The following RAD51B variants were observed in gnomAD, a reference collection of about 807,000 sequenced individuals.
RAD51B encodes the protein DNA repair protein RAD51 homolog 2.
RAD51B carries 38 observed loss-of-function variants against 42.2 expected under a neutral mutation model. The observed-to-expected ratio is 0.90, with a 90% CI of 0.70 to 1.18. The LOEUF (loss-of-function observed/expected upper bound fraction) is 1.18. RAD51B is among the 50% of genes most tolerant of loss of function. The pLI, the probability that RAD51B is intolerant of heterozygous loss-of-function variation, is 0.00. For missense variants in RAD51B, 373 were observed against 400.7 expected (o/e 0.93, Z 0.59); for synonymous variants, 154 against 145.2 (o/e 1.06, Z -0.43).
At chr14:68,087,937 AT>A (rs1488687833) in intron 7 of RAD51B, among the ~76,000 whole-genome samples, 1 of 83,626 alleles carries the variant, frequency 1.2e-5, no homozygotes, top group East Asian at 2.4e-4. Context: ...TAATTATATA[AT>A]TTATTATTAT....
intron 10 of RAD51B, among the ~76,000 whole-genome samples, chr14:68,529,967 G>A (rs1398262094): frequency 6.6e-6 from 1 of 152,096 alleles, no homozygotes; most frequent in Non-Finnish European, 1.5e-5. Context: ...TACACAGATA[G>A]GATAAATTCT....
chr14:68,212,418 T>C (rs2079729940), intron 7 of RAD51B, among the ~76,000 whole-genome samples: 1 of 152,228 alleles, frequency 6.6e-6, no homozygotes. Context: ...CATAGAGCTG[T>C]TAGCAGCAGC....
intron 10 of RAD51B, among the ~76,000 whole-genome samples, chr14:68,472,709 G>A (rs1205427569): frequency 6.6e-6 from 1 of 152,218 alleles, no homozygotes; most frequent in Non-Finnish European, 1.5e-5. Flanking sequence ...AGGTTTGAAT[G>A]AGCGGGAGCT....
intron 7 of RAD51B, among the ~76,000 whole-genome samples, chr14:68,188,247 T>A (rs779372599): frequency 6.0e-5 from 9 of 149,704 alleles, no homozygotes; most frequent in Non-Finnish European, 1.3e-4. Flanking sequence ...AGTGATTTCT[T>A]TTTTTTTTTC....
At position 67,977,148 on chromosome 14, in the gene RAD51B, G is replaced by A. The variant is rs575283362; in HGVS notation, c.756+89944G>A. ...CTTTCTTTATTTTTAATTAGTTTAA[G>A]TGGGTGAATATGTCTTTCCAACTAG... On this transcript the variant is annotated intron_variant, in intron 7 of 10. Transcript: ENST00000471583. 6.6e-5 allele frequency among the ~76,000 whole-genome samples: 10 copies of A among 152,318 alleles called. No individual in the cohort carries two copies. The South Asian group carries it at 1.9e-3, about 28-fold the overall frequency.
chr14:68,225,840 G>C (rs922551165), intron 7 of RAD51B, among the ~76,000 whole-genome samples: 3 of 152,194 alleles, frequency 2.0e-5, no homozygotes, highest in African/African-American at 7.2e-5. Context: ...ACTGCAATAT[G>C]AGGGATTTGG....
chr14:67,965,978 T>G (rs1310437100), intron 7 of RAD51B, among the ~76,000 whole-genome samples: 1 of 152,172 alleles, frequency 6.6e-6, no homozygotes, highest in Non-Finnish European at 1.5e-5. Context: ...GTACTGGCAT[T>G]ATAGCAGTGA....
chr14:68,602,510 A>ATAGC (rs1324252254), intron 10 of RAD51B, among the ~76,000 whole-genome samples: 6 of 143,106 alleles, frequency 4.2e-5, no homozygotes, highest in African/African-American at 1.6e-4. Flanking sequence ...GGATAGCTAG[A>ATAGC]TAGATAGCTA....
At chr14:68,407,381 G>A (rs1566864821) in intron 8 of RAD51B, among the ~76,000 whole-genome samples, 2 of 152,166 alleles carry the variant, frequency 1.3e-5, no homozygotes. Flanking sequence ...ATGCATAACT[G>A]TATGTGCTAT....
intron 10 of RAD51B, among the ~76,000 whole-genome samples, chr14:68,505,759 G>T (rs1325219726): frequency 1.3e-5 from 2 of 152,004 alleles, no homozygotes; most frequent in Admixed American, 1.3e-4. Context: ...CACCATGTTG[G>T]CCAGACTGGT....
At chr14:68,402,285 A>T (rs1201704498) in intron 8 of RAD51B, among the ~76,000 whole-genome samples, 4 of 152,218 alleles carry the variant, frequency 2.6e-5, no homozygotes, top group Non-Finnish European at 5.9e-5. Context: ...TGTTGCTAAA[A>T]TTCTGCATTG....
chr14:68,179,550 G>C (rs1228010107), intron 7 of RAD51B, among the ~76,000 whole-genome samples: 1 of 152,110 alleles, frequency 6.6e-6, no homozygotes, highest in African/African-American at 2.4e-5. Flanking sequence ...CTCCGTAAAT[G>C]TTTGGAACTT....
intron 11 of RAD51B, among the ~76,000 whole-genome samples, chr14:68,680,812 G>A (rs929339513): frequency 1.3e-5 from 2 of 152,018 alleles, no homozygotes; most frequent in South Asian, 2.1e-4. Flanking sequence ...CCTGAGCGTC[G>A]CAGTAAGCTG....
In RAD51B at chr14:68,253,039, T is replaced by C. The variant is rs113993129; in HGVS notation, c.757-38845T>C. ...CGGAGGTTGCAGTGAGCCAAGATCA[T>C]GCCATTGCACTCTAGCCTGGGCAAC... On this transcript the variant is annotated intron_variant, in intron 7 of 10. Coordinates refer to ENST00000471583, the MANE Select transcript of RAD51B (RefSeq NM_133510.4). 9.2e-3 allele frequency among the ~76,000 whole-genome samples: 1,380 copies of C among 150,156 alleles called. 25 individuals are homozygous for C. The highest frequency in any genetic ancestry group is 0.032 in the African/African-American group (1,305 of 40,610).
chr14:68,173,055 T>G (rs1812606998), intron 7 of RAD51B, among the ~76,000 whole-genome samples: 2 of 152,208 alleles, frequency 1.3e-5, no homozygotes. Context: ...TGTGAAAACC[T>G]AGTTTGTAAA....
intron 4 of RAD51B, chr14:67,857,946 C>T (rs995750295): frequency 6.6e-6 from 1 of 152,488 alleles, no homozygotes; most frequent in Non-Finnish European, 1.5e-5. Context: ...GGAGCAAGCT[C>T]TGTGTGGGAT....
At chr14:68,162,613 G>T (rs1254353807) in intron 7 of RAD51B, among the ~76,000 whole-genome samples, 3 of 152,056 alleles carry the variant, frequency 2.0e-5, no homozygotes, top group East Asian at 3.9e-4. Context: ...GTGAAACCCC[G>T]TCTTGACTAA....
intron 1 of RAD51B, among the ~76,000 whole-genome samples, chr14:67,820,792 A>G (rs955711582): frequency 6.6e-6 from 1 of 152,098 alleles, no homozygotes; most frequent in African/African-American, 2.4e-5. Flanking sequence ...CTTAAGTACT[A>G]TGTGCCACGC....
intron 8 of RAD51B, among the ~76,000 whole-genome samples, chr14:68,409,271 A>G (rs954999885): frequency 1.3e-4 from 20 of 152,206 alleles, no homozygotes; most frequent in Non-Finnish European, 1.3e-4. Flanking sequence ...CTATAAGTCT[A>G]TTTCTATCAA....
Sources: allele counts gnomAD v4.1 joint callset (sites outside exome capture counted in the v4.1 genomes callset), GRCh38; gene constraint gnomAD v4.1.1; transcripts MANE v1.5; gene names NCBI Gene and HGNC (gene_info 2026-07-23, HGNC 2026-07-21).